Variants in ESR1 observed in about 807,000 individuals in gnomAD.
ESR1 encodes estrogen receptor 1.
ESR1 carries 12 observed loss-of-function variants against 52.7 expected under a neutral mutation model. The observed-to-expected ratio is 0.23, with a 90% CI of 0.15 to 0.37. The LOEUF is 0.37. Ranked by LOEUF, ESR1 falls within the 10% of genes least tolerant of loss-of-function variation. The pLI is 1.00. For missense variants in ESR1, 584 were observed against 779.7 expected (o/e 0.75, Z 2.99); for synonymous variants, 305 against 316.8 (o/e 0.96, Z 0.39).
At chr6:151,987,439 A>G (rs1466232645) in intron 4 of ESR1, among the ~76,000 whole-genome samples, 1 of 152,008 alleles carries the variant, frequency 6.6e-6, no homozygotes, top group African/African-American at 2.4e-5. Context: ...TTGTATTTTT[A>G]GTAGAGATGG....
chr6:151,990,061 A>G (rs2040865599), intron 4 of ESR1, among the ~76,000 whole-genome samples: 1 of 152,176 alleles, frequency 6.6e-6, no homozygotes, highest in African/African-American at 2.4e-5. Flanking sequence ...ATGAGTGGTT[A>G]ATTAGTAATG....
chr6:151,994,200 G>A (rs1301392174), intron 4 of ESR1, among the ~76,000 whole-genome samples: 2 of 152,120 alleles, frequency 1.3e-5, no homozygotes, highest in Non-Finnish European at 2.9e-5. Context: ...CGTGGATATG[G>A]TTTATGCCAA....
At chr6:151,922,594 T>C (rs930710244) in intron 3 of ESR1, among the ~76,000 whole-genome samples, 2 of 152,192 alleles carry the variant, frequency 1.3e-5, no homozygotes, top group Non-Finnish European at 2.9e-5. Flanking sequence ...TTACATATCA[T>C]TGTAGGGTTT....
chr6:151,860,021 T>C (rs2128283368), intron 2 of ESR1, among the ~76,000 whole-genome samples: 1 of 152,326 alleles, frequency 6.6e-6, no homozygotes, highest in Middle Eastern at 3.4e-3. Context: ...CCATTCCCTA[T>C]AGATATCTTT....
intron 5 of ESR1, among the ~76,000 whole-genome samples, chr6:152,048,680 A>G (rs200349352): frequency 6.6e-6 from 1 of 152,182 alleles, no homozygotes; most frequent in East Asian, 1.9e-4. Context: ...GCGTGAAGGA[A>G]TGAATGAATC....
chr6:151,810,260 A>C (rs1778591685), intron 1 of ESR1, among the ~76,000 whole-genome samples: 1 of 152,150 alleles, frequency 6.6e-6, no homozygotes, highest in South Asian at 2.1e-4. Flanking sequence ...GAATAATAAA[A>C]AAAGAGACAA....
At chr6:151,985,520 A>C (rs1461238896) in intron 4 of ESR1, among the ~76,000 whole-genome samples, 3,366 of 141,204 alleles carry the variant, frequency 0.024, 126 homozygotes, top group East Asian at 0.098. Flanking sequence ...AAAAAAAAAA[A>C]AAAAAAAAAA....
chr6:151,739,223 T>TA, intron 2 of ESR1, among the ~76,000 whole-genome samples: 1 of 152,252 alleles, frequency 6.6e-6, no homozygotes, highest in East Asian at 1.9e-4. Context: ...TGTCATGGAG[T>TA]ACCTATGTCA....
intron 4 of ESR1, among the ~76,000 whole-genome samples, chr6:151,953,917 T>C (rs1390202273): frequency 1.3e-5 from 2 of 152,122 alleles, no homozygotes; most frequent in Non-Finnish European, 2.9e-5. Context: ...CTCTAACCTG[T>C]AGATTTGCTT....
intron 3 of ESR1, among the ~76,000 whole-genome samples, chr6:151,899,467 AGGCG>A (rs1796240363): frequency 1.7e-5 from 2 of 120,130 alleles, no homozygotes; most frequent in African/African-American, 6.5e-5. Context: ...GCAGCTGGCC[AGGCG>A]GGGGGCTGAC....
chr6:151,692,013 A>T (rs1355678028), intron 1 of ESR1, among the ~76,000 whole-genome samples: 1 of 152,370 alleles, frequency 6.6e-6, no homozygotes, highest in Non-Finnish European at 1.5e-5. Flanking sequence ...CATGTAGGAA[A>T]AAAGCAAAAT....
chr6:151,701,057 T>C (rs1439469181), intron 1 of ESR1, among the ~76,000 whole-genome samples: 1 of 152,170 alleles, frequency 6.6e-6, no homozygotes, highest in African/African-American at 2.4e-5. Context: ...CTGTATTAAG[T>C]TGCATTGCTC....
intron 6 of ESR1, chr6:152,122,237 T>C (rs547039049): frequency 9.0e-6 from 7 of 774,420 alleles, no homozygotes; most frequent in African/African-American, 1.7e-5. Context: ...AACCTTCTTG[T>C]TGTCTGTTTG....
chr6:151,791,066 C>T (rs1474312810), intron 2 of ESR1, among the ~76,000 whole-genome samples: 3 of 152,182 alleles, frequency 2.0e-5, no homozygotes, highest in Admixed American at 2.0e-4. Flanking sequence ...ATAGAAAGAG[C>T]ACCTCCCAGA....
intron 2 of ESR1, among the ~76,000 whole-genome samples, chr6:151,851,700 A>G (rs1786759591): frequency 1.3e-5 from 2 of 151,894 alleles, no homozygotes; most frequent in South Asian, 4.1e-4. Flanking sequence ...GCTAGTTTTT[A>G]TATTTTTAGT....
At chr6:151,671,077 A>AT (rs1778040663) in intron 1 of ESR1, among the ~76,000 whole-genome samples, 1 of 152,142 alleles carries the variant, frequency 6.6e-6, no homozygotes, top group African/African-American at 2.4e-5. Context: ...CGGAAGACAG[A>AT]TTTTGAAGTG....
At position 151,824,898 on chromosome 6, in the gene ESR1, G is replaced by A. The variant is rs1223826548; in HGVS notation, c.452+16534G>A. Reference sequence around the variant, plus strand: ...CTTGCACCACTGCACTCCAGGCTGGGCAACAGAGCGAGACTCCATCTCAAA... The same window carrying A: ...CTTGCACCACTGCACTCCAGGCTGGACAACAGAGCGAGACTCCATCTCAAA... On this transcript the variant is annotated intron_variant, in intron 1 of 7. Transcript: ENST00000206249. Among the ~76,000 whole-genome samples, 3 of 150,604 alleles carry A rather than the reference G, an allele frequency of 2.0e-5. No individual in the cohort carries two copies. In the Admixed American group the frequency reaches 2.0e-4, roughly 10 times the overall value.
chr6:152,086,880 C>T (rs1216077129), intron 6 of ESR1, among the ~76,000 whole-genome samples: 2 of 152,086 alleles, frequency 1.3e-5, no homozygotes, highest in Admixed American at 6.5e-5. Context: ...GATTGGGTTA[C>T]GAGCAGGCTC....
intron 5 of ESR1, among the ~76,000 whole-genome samples, chr6:152,035,397 A>T (rs951666770): frequency 6.6e-6 from 1 of 151,982 alleles, no homozygotes; most frequent in African/African-American, 2.4e-5. Context: ...AGCTCTGTAG[A>T]AACAAGTATG....
Sources: allele counts gnomAD v4.1 joint callset (sites outside exome capture counted in the v4.1 genomes callset), GRCh38; gene constraint gnomAD v4.1.1; transcripts MANE v1.5; gene names NCBI Gene and HGNC (gene_info 2026-07-23, HGNC 2026-07-21).